Variants in ATP10B observed in about 807,000 individuals in gnomAD.
ATP10B encodes ATPase phospholipid transporting 10B (putative).
A neutral mutation model predicts 141.2 loss-of-function variants in ATP10B; 122 were observed. The ratio of observed to expected loss-of-function variants is 0.86; its 90% CI spans 0.75 to 1.00. The LOEUF (loss-of-function observed/expected upper bound fraction) is 1.00, where lower values mean the gene tolerates loss of function less well. ATP10B is among the 50% of genes least tolerant of loss of function. ATP10B has a pLI of 0.00. For missense variants in ATP10B, 1,876 were observed against 1,825.3 expected, an observed-to-expected ratio of 1.03 and a Z score of -0.51; for synonymous variants, 685 against 692.0, an observed-to-expected ratio of 0.99 and a Z score of 0.16.
Position 160,843,407 on chromosome 5 carries a change from A to T in ATP10B, c.-576+8534T>A, listed in dbSNP as rs185292105. On this transcript the variant is annotated intron_variant, in intron 1 of 25. Transcript: ENST00000327245. ...AATTGCCAGCTTTCCAAAGGTAGAAATGGCTTCTAGGTATACCCTATTGCC... is the reference window on the plus strand; with the variant it reads ...AATTGCCAGCTTTCCAAAGGTAGAATTGGCTTCTAGGTATACCCTATTGCC... Among the ~76,000 whole-genome samples the T allele has an allele frequency of 9.3e-4, 141 of 152,192 alleles. No homozygotes were observed. In the South Asian group the frequency reaches 0.018, roughly 20 times the overall value.
chr5:160,780,044 CTAATATG>C (rs1240140423), intron 2 of ATP10B, among the ~76,000 whole-genome samples: 1 of 152,060 alleles, frequency 6.6e-6, no homozygotes, highest in Non-Finnish European at 1.5e-5. Context: ...TCTCTTTACT[CTAATATG>C]TAATATTCCT....
chr5:160,730,276 G>A (rs757326111), intron 2 of ATP10B, among the ~76,000 whole-genome samples: 5 of 152,118 alleles, frequency 3.3e-5, no homozygotes, highest in Non-Finnish European at 7.4e-5. Flanking sequence ...GCTCTGCCTT[G>A]CTGATGAGAT....
intron 2 of ATP10B, among the ~76,000 whole-genome samples, chr5:160,779,423 A>ACC (rs1460629689): frequency 6.6e-6 from 1 of 152,158 alleles, no homozygotes; most frequent in Non-Finnish European, 1.5e-5. Flanking sequence ...CCTCTTGCTA[A>ACC]CCACCTCTCT....
At chr5:160,616,177 T>A (rs1310279870) in intron 16 of ATP10B, among the ~76,000 whole-genome samples, 2 of 152,178 alleles carry the variant, frequency 1.3e-5, no homozygotes, top group African/African-American at 4.8e-5. Context: ...TGTGCTCAGA[T>A]CACTGGAGAT....
At position 160,727,646 on chromosome 5, in the gene ATP10B, C is replaced by A. The variant is rs114479206; in HGVS notation, c.-330-10612G>T. ...TTTGGGTCCCACGGTATCAGCTCAA[C>A]TTCCAGGGGTGTTGGAGACTGAAAT... On this transcript the variant is annotated intron_variant, in intron 2 of 25. Coordinates refer to ENST00000327245, the MANE Select transcript of ATP10B (RefSeq NM_025153.3). Among the ~76,000 whole-genome samples the A allele has an allele frequency of 3.1e-3, 476 of 152,212 alleles. 1 individual carries two copies. Among genetic ancestry groups the A allele is most frequent in the African/African-American group, 0.011 (438 of 41,536 alleles).
intron 1 of ATP10B, among the ~76,000 whole-genome samples, chr5:160,822,019 A>G (rs1178899830): frequency 6.6e-6 from 1 of 152,202 alleles, no homozygotes; most frequent in Admixed American, 6.5e-5. Context: ...ATGGGATCAC[A>G]TCAAGTTAAA....
the ATP10B span, among the ~76,000 whole-genome samples, chr5:160,889,134 G>T: frequency 6.6e-6 from 1 of 152,272 alleles, no homozygotes; most frequent in Admixed American, 6.5e-5. Context: ...CCAGAGGCTT[G>T]GTAGGGTCCA....
intron 2 of ATP10B, among the ~76,000 whole-genome samples, chr5:160,719,751 GAGT>G (rs1765884503): frequency 6.6e-6 from 1 of 152,182 alleles, no homozygotes; most frequent in Admixed American, 6.5e-5. Flanking sequence ...AGGTGCTGTT[GAGT>G]AGATTATCTC....
At chr5:160,622,908 T>A (rs971217646) in intron 13 of ATP10B, among the ~76,000 whole-genome samples, 2 of 152,078 alleles carry the variant, frequency 1.3e-5, no homozygotes, top group South Asian at 2.1e-4. Flanking sequence ...TACTGTTGCC[T>A]CTCACCTTTT....
chr5:160,860,250 A>G, the ATP10B span, among the ~76,000 whole-genome samples: 1 of 151,978 alleles, frequency 6.6e-6, no homozygotes, highest in African/African-American at 2.4e-5. Context: ...GTACAAATGT[A>G]TAAAGTAGTA....
chr5:160,778,799 C>T (rs1324575808), intron 2 of ATP10B, among the ~76,000 whole-genome samples: 1 of 152,074 alleles, frequency 6.6e-6, no homozygotes, highest in Admixed American at 6.6e-5. Flanking sequence ...CGACTAATTC[C>T]AGAGAGGCGA....
At chr5:160,859,588 T>C in the ATP10B span, among the ~76,000 whole-genome samples, 1 of 151,918 alleles carries the variant, frequency 6.6e-6, no homozygotes, top group African/African-American at 2.4e-5. Context: ...ATACATCTTT[T>C]ATCTTGCTCT....
intron 1 of ATP10B, among the ~76,000 whole-genome samples, chr5:160,800,738 C>T (rs552054320): frequency 3.3e-5 from 5 of 152,274 alleles, no homozygotes; most frequent in Admixed American, 3.3e-4. Flanking sequence ...AGGCCATTCC[C>T]CTTTGCTTCT....
chr5:160,800,425 A>G (rs1279827592), intron 1 of ATP10B, among the ~76,000 whole-genome samples: 1 of 152,254 alleles, frequency 6.6e-6, no homozygotes, highest in Non-Finnish European at 1.5e-5. Context: ...ACTAAGTGCA[A>G]AGAGTTTACA....
intron 10 of ATP10B, among the ~76,000 whole-genome samples, chr5:160,639,775 T>A (rs1228860453): frequency 6.6e-6 from 1 of 152,202 alleles, no homozygotes; most frequent in Non-Finnish European, 1.5e-5. Context: ...ATATTTACAG[T>A]GCACTTTATT....
intron 21 of ATP10B, among the ~76,000 whole-genome samples, chr5:160,600,794 T>C (rs1757061204): frequency 6.6e-6 from 1 of 152,216 alleles, no homozygotes. Flanking sequence ...AATTAATTCA[T>C]TGTTCAAATT....
In ATP10B at chr5:160,700,430, G is replaced by A. The variant is rs568584325; in HGVS notation, c.-204-11487C>T. 4.6e-5 allele frequency among the ~76,000 whole-genome samples: 7 copies of A among 152,290 alleles called. No homozygotes were observed. The South Asian group carries it at 1.5e-3, about 32-fold the overall frequency. Reference sequence around the variant, plus strand: ...AAGTTTAATTCTCACCTCGACTTATGTCAAGTCCAGGGGGATGCATGACCA... The same window carrying A: ...AAGTTTAATTCTCACCTCGACTTATATCAAGTCCAGGGGGATGCATGACCA... On this transcript the variant is annotated intron_variant, in intron 3 of 25. Coordinates refer to ENST00000327245, the MANE Select transcript of ATP10B (RefSeq NM_025153.3).
At chr5:160,823,568 A>G (rs1266930659) in intron 1 of ATP10B, among the ~76,000 whole-genome samples, 3 of 152,222 alleles carry the variant, frequency 2.0e-5, no homozygotes, top group African/African-American at 4.8e-5. Context: ...TTAAGAAAAC[A>G]TATTTCAGCC....
the ATP10B span, among the ~76,000 whole-genome samples, chr5:160,914,232 G>T: frequency 6.6e-6 from 1 of 152,080 alleles, no homozygotes; most frequent in Non-Finnish European, 1.5e-5. Flanking sequence ...TCTATGTTGA[G>T]AACTGTGTTA....
Sources: allele counts gnomAD v4.1 joint callset (sites outside exome capture counted in the v4.1 genomes callset), GRCh38; gene constraint gnomAD v4.1.1; transcripts MANE v1.5; gene names NCBI Gene and HGNC (gene_info 2026-07-23, HGNC 2026-07-21).